Variants in GTF3A observed in about 807,000 individuals in gnomAD.
GTF3A encodes general transcription factor IIIA.
A neutral mutation model predicts 37.6 loss-of-function variants in GTF3A; 40 were observed. That is an observed-to-expected ratio of 1.06 (90% CI 0.83 to 1.38). GTF3A has a LOEUF of 1.38. GTF3A is among the 40% of genes most tolerant of loss of function. GTF3A has a pLI of 0.00. For synonymous variants in GTF3A, 191 were observed against 166.7 expected (o/e 1.15, Z -1.12); for missense variants, 500 against 462.6 (o/e 1.08, Z -0.74).
intron 5 of GTF3A, among the ~76,000 whole-genome samples, chr13:27,433,541 T>G (rs867292927): frequency 2.0e-4 from 28 of 140,350 alleles, no homozygotes; most frequent in African/African-American, 4.7e-4. Context: ...AAAAAACTTT[T>G]TTTTTTTTTT....
At position 27,434,164 on chromosome 13, in the gene GTF3A, C is replaced by T; in HGVS notation, c.588C>T (p.Ser196=). 7.1e-7 allele frequency: 1 copy of T among 1,406,996 alleles called. No individual in the cohort carries two copies. Among genetic ancestry groups the T allele is most frequent in the Non-Finnish European group, 1.0e-6 (1 of 991,038 alleles). The allele number at this position is 1,406,996 out of a possible 1,614,324, so 87.2% of individuals were successfully genotyped here. A position where few individuals can be genotyped will look rare whatever the true frequency, so the allele number is the denominator to read the frequency against. The change falls in exon 6 of 9, where the codon TCC becomes TCT. Residue 196 remains serine (S), a synonymous_variant. Transcript: ENST00000381140. ...GCTATGTATGTCAAAAAGGATGTTC[C>T]TTTGTGGCAAAAACATGGACGGAAC...
At chr13:27,435,290 T>G (rs1336889085) in intron 8 of GTF3A, 98 bp downstream of exon 8, 14 of 1,272,390 alleles carry the variant, frequency 1.1e-5, no homozygotes, top group Non-Finnish European at 3.4e-6. Context: ...CTTTACTGTT[T>G]GAGTCTGCAC....
At position 27,434,897 on chromosome 13, in the gene GTF3A, T is replaced by C. The variant is rs1953695363; in HGVS notation, c.736T>C (p.Cys246Arg). ...AACTCATGCCCCAGAAAGGGATGTA[T>C]GTCGCTGTCCAAGAGAAGGCTGTGG... is the stretch of plus-strand genomic sequence containing the variant. The change falls in exon 7 of 9, where the codon TGT becomes CGT. Residue 246 changes from cysteine (C) to arginine (R), a missense_variant. Coordinates refer to ENST00000381140, the MANE Select transcript of GTF3A (RefSeq NM_002097.3). 6.2e-7 allele frequency: 1 copy of C among 1,611,696 alleles called. No homozygotes were observed. Among genetic ancestry groups the C allele is most frequent in the Non-Finnish European group, 8.5e-7 (1 of 1,177,778 alleles).
intron 3 of GTF3A, 46 bp from the exon 4 acceptor site, chr13:27,430,487 T>A: frequency 8.4e-7 from 1 of 1,189,590 alleles, no homozygotes; most frequent in Non-Finnish European, 1.2e-6. Context: ...ACTGTTCATT[T>A]TGTTTTGACT....
intron 2 of GTF3A, among the ~76,000 whole-genome samples, chr13:27,428,954 A>G (rs1321713476): frequency 6.6e-6 from 1 of 152,114 alleles, no homozygotes; most frequent in Non-Finnish European, 1.5e-5. Flanking sequence ...GTGGGGGTTG[A>G]GCAGGATGGG....
intron 3 of GTF3A, among the ~76,000 whole-genome samples, chr13:27,430,199 A>G (rs962649240): frequency 2.6e-5 from 4 of 152,122 alleles, no homozygotes. Context: ...TAAAAAATAA[A>G]AGTGAAAAAT....
At position 27,424,792 on chromosome 13, in the gene GTF3A, G is replaced by T. The variant is rs931005184; in HGVS notation, c.55G>T (p.Ala19Ser). 6.5e-7 allele frequency: 1 copy of T among 1,544,616 alleles called. No homozygotes were observed. Residue 19 changes from alanine (A) to serine (S), a missense_variant, in exon 1 of 9, where the codon GCG becomes TCG. Ala to Ser is a moderately conservative substitution (Grantham distance 99). Coordinates refer to ENST00000381140, the MANE Select transcript of GTF3A (RefSeq NM_002097.3). ...GGTGTCGTCCTTGACCATCGCCGAC[G>T]CGTTCATTGCAGCCGGCGAGAGCTC...
At chr13:27,427,969 GTCT>G (rs745818435) in intron 2 of GTF3A, among the ~76,000 whole-genome samples, 3 of 151,964 alleles carry the variant, frequency 2.0e-5, no homozygotes, top group Non-Finnish European at 4.4e-5. Context: ...CTATCTCTGT[GTCT>G]TCTTAAATTC....
Position 27,432,737 on chromosome 13 carries a change from C to A in GTF3A, c.495C>A (p.Thr165=). 1.2e-6 allele frequency: 2 copies of A among 1,603,964 alleles called. No individual in the cohort carries two copies. Among genetic ancestry groups the A allele is most frequent in the Non-Finnish European group, 1.7e-6 (2 of 1,174,982 alleles). Reference sequence around the variant, plus strand: ...TCATGTGTTGCCAATGCAGGTGTACCCAGGAAGGATGTGGGAAACACTTTG... The same window carrying A: ...TCATGTGTTGCCAATGCAGGTGTACACAGGAAGGATGTGGGAAACACTTTG... Residue 165 remains threonine, a synonymous_variant, in exon 5 of 9, where the codon ACC becomes ACA. Coordinates refer to ENST00000381140, the MANE Select transcript of GTF3A (RefSeq NM_002097.3).
intron 2 of GTF3A, among the ~76,000 whole-genome samples, chr13:27,427,965 CTG>C (rs1446992474): frequency 6.6e-6 from 1 of 152,064 alleles, no homozygotes; most frequent in African/African-American, 2.4e-5. Context: ...TTGGCTATCT[CTG>C]TGTCTTCTTA....
rs546560551 is a variant in GTF3A at position 27,430,725 on chromosome 13, A to G, written c.488+104A>G. 5.5e-5 allele frequency: 40 copies of G among 733,836 alleles called. 1 individual carries two copies. Among genetic ancestry groups the G allele is most frequent in the Middle Eastern group, 2.3e-4 (1 of 4,330 alleles). The allele number at this position is 733,836 out of a possible 1,614,324, so 45.5% of individuals were successfully genotyped here. A position where few individuals can be genotyped will look rare whatever the true frequency, so the allele number is the denominator to read the frequency against. On this transcript the variant is annotated intron_variant, in intron 4 of 8. Coordinates refer to ENST00000381140, the MANE Select transcript of GTF3A (RefSeq NM_002097.3). ...TGTTTCATGTTTTTTGGCCATTTGTATATCTTCTGAGAAATGTCTGTTCAT... is the reference window on the plus strand; with the variant it reads ...TGTTTCATGTTTTTTGGCCATTTGTGTATCTTCTGAGAAATGTCTGTTCAT...
chr13:27,431,395 A>G (rs969928435), intron 4 of GTF3A, among the ~76,000 whole-genome samples: 1 of 152,252 alleles, frequency 6.6e-6, no homozygotes, highest in African/African-American at 2.4e-5. Context: ...TTAAGTGCCC[A>G]TCGACCAATG....
intron 1 of GTF3A, 140 bp from the exon 2 acceptor site, chr13:27,426,952 C>A: frequency 1.7e-6 from 1 of 581,118 alleles, no homozygotes; most frequent in Non-Finnish European, 3.1e-6. Flanking sequence ...CTGCGTCTTG[C>A]AGTGGGTGCA....
chr13:27,429,990 A>G (rs1360278410), intron 3 of GTF3A, 24 bp downstream of exon 3: 1 of 1,290,024 alleles, frequency 7.8e-7, no homozygotes. Flanking sequence ...TATATGCTTA[A>G]ATTTTTTGAG....
At position 27,432,779 on chromosome 13, in the gene GTF3A, G is replaced by C; in HGVS notation, c.537G>C (p.Leu179=). The change falls in exon 5 of 9, where the codon CTG becomes CTC. Residue 179 remains leucine (L), a synonymous_variant. Coordinates refer to ENST00000381140, the MANE Select transcript of GTF3A (RefSeq NM_002097.3). ...AACACTTTGCATCACCCAGCAAGCT[G>C]AAACGACATGCCAAGGCCCACGAGG... 1 of 1,605,178 alleles carries C rather than the reference G, an allele frequency of 6.2e-7. No homozygotes were observed. Among genetic ancestry groups the C allele is most frequent in the Non-Finnish European group, 8.5e-7 (1 of 1,175,710 alleles).
At chr13:27,430,681 C>A in intron 4 of GTF3A, 60 bp downstream of exon 4, 1 of 1,043,344 alleles carries the variant, frequency 9.6e-7, no homozygotes, top group Non-Finnish European at 1.5e-6. Flanking sequence ...ATTGGAAATG[C>A]AAGGGTGGTG....
intron 5 of GTF3A, 52 bp downstream of exon 5, chr13:27,432,856 G>A (rs1336131108): frequency 2.8e-6 from 4 of 1,434,772 alleles, no homozygotes; most frequent in Non-Finnish European, 3.9e-6. Context: ...AATCCTGGGC[G>A]CCTTTGAATC....
intron 4 of GTF3A, among the ~76,000 whole-genome samples, chr13:27,431,571 G>A (rs969876026): frequency 6.6e-6 from 1 of 151,792 alleles, no homozygotes; most frequent in Non-Finnish European, 1.5e-5. Flanking sequence ...CACTAAGTGG[G>A]CACTAAACTA....
chr13:27,433,523 A>C (rs9554035), intron 5 of GTF3A, among the ~76,000 whole-genome samples: 1 of 47,012 alleles, frequency 2.1e-5, no homozygotes, highest in African/African-American at 6.8e-5. Flanking sequence ...TTAAAAAAAA[A>C]AAACAAAAAA....
Sources: allele counts gnomAD v4.1 joint callset (sites outside exome capture counted in the v4.1 genomes callset), GRCh38; gene constraint gnomAD v4.1.1; transcripts MANE v1.5; gene names NCBI Gene and HGNC (gene_info 2026-07-23, HGNC 2026-07-21).